CDK2AP1: variants seen among roughly 807,000 people sequenced by gnomAD.
CDK2AP1 encodes the protein cyclin-dependent kinase 2-associated protein 1.
Under a neutral mutation model 14.1 loss-of-function variants are expected in CDK2AP1, and 10 were observed. The observed-to-expected ratio is 0.71, with a 90% CI of 0.44 to 1.20. The LOEUF (loss-of-function observed/expected upper bound fraction) is 1.20, where lower values mean the gene tolerates loss of function less well. Among genes scored for constraint, CDK2AP1 ranks in the 50% most tolerant of loss-of-function variants. The probability of loss-of-function intolerance (pLI) is 0.00; values close to 1 mark genes in which losing one functional copy is unlikely to be tolerated. For missense variants in CDK2AP1, 102 were observed against 149.9 expected (o/e 0.68, Z 1.67); for synonymous variants, 59 against 59.8 (o/e 0.99, Z 0.06).
chr12:123,266,184 G>A (rs905260167), intron 2 of CDK2AP1, among the ~76,000 whole-genome samples: 1 of 152,198 alleles, frequency 6.6e-6, no homozygotes, highest in Non-Finnish European at 1.5e-5. Flanking sequence ...CTGTCCCCTG[G>A]CCTCGCGCTC....
chr12:123,270,587 C>A (rs968320431), intron 1 of CDK2AP1, among the ~76,000 whole-genome samples: 2 of 152,070 alleles, frequency 1.3e-5, no homozygotes, highest in African/African-American at 2.4e-5. Flanking sequence ...AGTGAGGTCA[C>A]AAAGCCCGGC....
At chr12:123,266,882 G>T (rs1269122342) in intron 2 of CDK2AP1, among the ~76,000 whole-genome samples, 2 of 152,224 alleles carry the variant, frequency 1.3e-5, no homozygotes, top group Non-Finnish European at 2.9e-5. Flanking sequence ...ACTTGCCCAA[G>T]AAAGAGGAGT....
intron 1 of CDK2AP1, among the ~76,000 whole-genome samples, 167 bp downstream of exon 1, chr12:123,271,397 G>C (rs1353855026): frequency 6.8e-6 from 1 of 146,786 alleles, no homozygotes; most frequent in Non-Finnish European, 1.5e-5. Context: ...GAGAACTTTC[G>C]CGGCGCGGGC....
intron 1 of CDK2AP1, chr12:123,267,612 T>A (rs936381723): frequency 6.8e-5 from 20 of 292,276 alleles, no homozygotes; most frequent in Non-Finnish European, 1.1e-4. Flanking sequence ...CCTCTCCCTG[T>A]GTCCTGGTCC....
intron 3 of CDK2AP1, among the ~76,000 whole-genome samples, chr12:123,264,629 C>A (rs2048270266): frequency 6.6e-6 from 1 of 152,082 alleles, no homozygotes; most frequent in Admixed American, 6.6e-5. Flanking sequence ...AACGTCCTTT[C>A]GAAATCAGAC....
Position 123,265,671 on chromosome 12 carries a change from G to C in CDK2AP1, c.154-349C>G, listed in dbSNP as rs1022071008. On this transcript the variant is annotated intron_variant, in intron 2 of 3. Coordinates refer to ENST00000261692, the MANE Select transcript of CDK2AP1 (RefSeq NM_004642.4). This position sits in a 1 kb window ranked among gnomAD's most constrained non-coding sequence, Gnocchi z 5.3. ...GTCCCATTCTAGGGGACAACTACAA[G>C]TTAGGGAGATGGTCCTCACCCTCCT... 2.6e-5 allele frequency among the ~76,000 whole-genome samples: 4 copies of C among 152,150 alleles called. No homozygotes were observed. Among genetic ancestry groups the C allele is most frequent in the African/African-American group, 9.7e-5 (4 of 41,434 alleles).
intron 1 of CDK2AP1, among the ~76,000 whole-genome samples, chr12:123,269,842 A>C (rs768039352): frequency 3.9e-5 from 6 of 151,942 alleles, no homozygotes; most frequent in Non-Finnish European, 8.8e-5. Flanking sequence ...TCCATCTTGG[A>C]TGCAAATGGC....
chr12:123,267,284 TG>T lies in CDK2AP1; in HGVS notation c.56-3del. On this transcript the variant is annotated splice_polypyrimidine_tract_variant and splice_region_variant and intron_variant, in intron 1 of 3. Transcript: ENST00000261692. Reference sequence around the variant, plus strand: ...TGGAAGGCGAGTGGACACTCCCAGCTGTGGGGTGGGGAGAGAGAGGCCAGGA... The same window carrying T: ...TGGAAGGCGAGTGGACACTCCCAGCTTGGGGTGGGGAGAGAGAGGCCAGGA... 6.2e-7 allele frequency: 1 copy of T among 1,600,280 alleles called. No individual in the cohort carries two copies. Among genetic ancestry groups the T allele is most frequent in the Non-Finnish European group, 8.6e-7 (1 of 1,167,766 alleles).
Position 123,265,047 on chromosome 12 carries a change from C to G in CDK2AP1, c.280+149G>C. 2 of 1,136,444 alleles carry G rather than the reference C, an allele frequency of 1.8e-6. No homozygotes were observed. Among genetic ancestry groups the G allele is most frequent in the Non-Finnish European group, 2.5e-6 (2 of 785,582 alleles). The allele number at this position is 1,136,444 out of a possible 1,614,324, so 70.4% of individuals were successfully genotyped here. On this transcript the variant is annotated intron_variant, in intron 3 of 3. Transcript: ENST00000261692. This position sits in a 1 kb window ranked among gnomAD's most constrained non-coding sequence, Gnocchi z 5.3. ...CAGACCCATCGCCTGCCTGAGGCCTCCACCACAGACGGCAACTCTGTAACA... is the reference window on the plus strand; with the variant it reads ...CAGACCCATCGCCTGCCTGAGGCCTGCACCACAGACGGCAACTCTGTAACA...
chr12:123,264,659 C>T (rs996754785), intron 3 of CDK2AP1, among the ~76,000 whole-genome samples: 4 of 152,034 alleles, frequency 2.6e-5, no homozygotes, highest in Admixed American at 6.6e-5. Flanking sequence ...CACCTTAACA[C>T]GAGTCCCTTG....
intron 1 of CDK2AP1, 103 bp downstream of exon 1, chr12:123,271,460 CG>C: frequency 3.9e-6 from 2 of 517,044 alleles, no homozygotes; most frequent in South Asian, 7.9e-5. Context: ...CTGAGCCCCC[CG>C]CCCCCGGCCT....
chr12:123,263,237 C>A (rs1363386577), intron 3 of CDK2AP1, among the ~76,000 whole-genome samples: 8 of 147,762 alleles, frequency 5.4e-5, no homozygotes, highest in South Asian at 2.2e-4. Flanking sequence ...CAAAAAAAAA[C>A]CACTATTCTT....
Position 123,271,687 on chromosome 12 carries a change from G to A in CDK2AP1, c.-69C>T, listed in dbSNP as rs1051526677. On this transcript the variant is annotated 5_prime_UTR_variant, in exon 1 of 4. Transcript: ENST00000261692. ...CGAGGGCGGCGGCGGCGGCGGCGAG[G>A]CCGGGCGGTAGCGCTGCAGCCCCGC... The A allele has an allele frequency of 8.3e-6, 5 of 599,760 alleles. No individual in the cohort carries two copies. The highest frequency in any genetic ancestry group is 4.1e-5 in the African/African-American group (2 of 49,152). The allele number at this position is 599,760 out of a possible 1,614,324, so 37.2% of individuals were successfully genotyped here. A position where few individuals can be genotyped will look rare whatever the true frequency, so the allele number is the denominator to read the frequency against.
intron 3 of CDK2AP1, among the ~76,000 whole-genome samples, chr12:123,263,108 G>A (rs1307730869): frequency 1.4e-5 from 2 of 146,836 alleles, no homozygotes; most frequent in African/African-American, 4.9e-5. Context: ...CAGCTACTCG[G>A]GAGGCTGAGG....
chr12:123,268,407 G>A (rs931841994), intron 1 of CDK2AP1: 11 of 176,226 alleles, frequency 6.2e-5, no homozygotes, highest in Admixed American at 1.3e-4. Context: ...CAGGCCCCTC[G>A]ATTTAGAGAA....
At chr12:123,268,465 A>T (rs1183366529) in intron 1 of CDK2AP1, among the ~76,000 whole-genome samples, 1 of 152,228 alleles carries the variant, frequency 6.6e-6, no homozygotes, top group Non-Finnish European at 1.5e-5. Context: ...GAGGAGACCA[A>T]AGCAGGGAGC....
chr12:123,271,060 C>T lies in CDK2AP1; in HGVS notation c.55+504G>A, dbSNP rs1266532609. On this transcript the variant is annotated intron_variant, in intron 1 of 3. Transcript: ENST00000261692. ...CCGGCAGCCCCGCAGCCCCGCAGCCCCGCAGCCCTCCATCCGCGCCCGCCC... is the reference window on the plus strand; with the variant it reads ...CCGGCAGCCCCGCAGCCCCGCAGCCTCGCAGCCCTCCATCCGCGCCCGCCC... The T allele has an allele frequency of 1.8e-5, 17 of 962,526 alleles. No individual in the cohort carries two copies. The African/African-American group carries it at 2.7e-4, about 15-fold the overall frequency. The allele number at this position is 962,526 out of a possible 1,614,324, so 59.6% of individuals were successfully genotyped here. A position where few individuals can be genotyped will look rare whatever the true frequency, so the allele number is the denominator to read the frequency against.
chr12:123,265,127 C>T lies in CDK2AP1; in HGVS notation c.280+69G>A. On this transcript the variant is annotated intron_variant, in intron 3 of 3. Coordinates refer to ENST00000261692, the MANE Select transcript of CDK2AP1 (RefSeq NM_004642.4). The surrounding 1 kb of genome is among the most constrained non-coding windows in gnomAD (Gnocchi z 5.3). ...CCCTAGCCCACCTTCCCACATTTTC[C>T]CCAAAAGTCTTTCCAGAGTTAAAGG... 1 of 1,598,098 alleles carries T rather than the reference C, an allele frequency of 6.3e-7. No individual in the cohort carries two copies. Among genetic ancestry groups the T allele is most frequent in the Admixed American group, 1.7e-5 (1 of 59,490 alleles).
intron 1 of CDK2AP1, among the ~76,000 whole-genome samples, chr12:123,268,898 C>T (rs1325097649): frequency 2.0e-5 from 3 of 152,186 alleles, no homozygotes; most frequent in Non-Finnish European, 4.4e-5. Context: ...CAGGCTCTGC[C>T]GGCACAGACC....
Sources: allele counts gnomAD v4.1 joint callset (sites outside exome capture counted in the v4.1 genomes callset), GRCh38; gene constraint gnomAD v4.1.1; non-coding constraint Gnocchi (gnomAD v3.1); transcripts MANE v1.5; gene names NCBI Gene and HGNC (gene_info 2026-07-23, HGNC 2026-07-21).